Variants in DRC11 observed in about 807,000 individuals in gnomAD.
DRC11 encodes dynein regulatory complex subunit 11.
the DRC11 span, among the ~76,000 whole-genome samples, chr2:236,394,076 GCCATCC>G: frequency 6.6e-6 from 1 of 152,070 alleles, no homozygotes; most frequent in Non-Finnish European, 1.5e-5. This position sits in a 1 kb window ranked among gnomAD's most constrained non-coding sequence, Gnocchi z 7.0. Context: ...AATAGTTGCT[GCCATCC>G]CCCAGGAAGC....
chr2:236,402,671 C>A, the DRC11 span, among the ~76,000 whole-genome samples: 1 of 152,180 alleles, frequency 6.6e-6, no homozygotes, highest in African/African-American at 2.4e-5. The surrounding 1 kb of genome is among the most constrained non-coding windows in gnomAD (Gnocchi z 6.0). Context: ...GCCTATGACA[C>A]AGCTCACCCA....
the DRC11 span, among the ~76,000 whole-genome samples, chr2:236,450,326 T>C: frequency 5.0e-5 from 7 of 139,530 alleles, no homozygotes; most frequent in Non-Finnish European, 9.4e-5. Flanking sequence ...TTTTTTTTTT[T>C]TTTTTTTTTT....
the DRC11 span, among the ~76,000 whole-genome samples, chr2:236,490,676 G>A: frequency 6.6e-6 from 1 of 152,016 alleles, no homozygotes; most frequent in African/African-American, 2.4e-5. This position sits in a 1 kb window ranked among gnomAD's most constrained non-coding sequence, Gnocchi z 5.5. Context: ...TTTGAGTAGG[G>A]AACTCAACAT....
At chr2:236,483,676 C>T in the DRC11 span, among the ~76,000 whole-genome samples, 6 of 152,226 alleles carry the variant, frequency 3.9e-5, no homozygotes, top group Middle Eastern at 3.4e-3. This position sits in a 1 kb window ranked among gnomAD's most constrained non-coding sequence, Gnocchi z 4.8. Flanking sequence ...GCCATGACTG[C>T]AGATGAAGCA....
the DRC11 span, among the ~76,000 whole-genome samples, chr2:236,479,013 C>T: frequency 1.3e-5 from 2 of 151,910 alleles, no homozygotes; most frequent in African/African-American, 4.8e-5. The surrounding 1 kb of genome is among the most constrained non-coding windows in gnomAD (Gnocchi z 4.1). Flanking sequence ...TTAGTAGAGG[C>T]GGGGTTTCAA....
At chr2:236,315,881 AG>A in the DRC11 span, among the ~76,000 whole-genome samples, 1 of 152,284 alleles carries the variant, frequency 6.6e-6, no homozygotes, top group East Asian at 1.9e-4. This position sits in a 1 kb window ranked among gnomAD's most constrained non-coding sequence, Gnocchi z 5.1. Context: ...TAGGGAAAAG[AG>A]GGAATGCATG....
chr2:236,307,362 G>C, the DRC11 span, among the ~76,000 whole-genome samples: 6 of 152,186 alleles, frequency 3.9e-5, no homozygotes, highest in Non-Finnish European at 2.9e-5. The surrounding 1 kb of genome is among the most constrained non-coding windows in gnomAD (Gnocchi z 7.0). Context: ...CCATTCAAAG[G>C]AGAGGGGAGG....
chr2:236,336,894 G>A, the DRC11 span, among the ~76,000 whole-genome samples: 9 of 152,188 alleles, frequency 5.9e-5, no homozygotes, highest in African/African-American at 1.9e-4. This position sits in a 1 kb window ranked among gnomAD's most constrained non-coding sequence, Gnocchi z 7.3. Flanking sequence ...GACCACAGAG[G>A]GTGGTGATGG....
chr2:236,439,016 C>T, the DRC11 span, among the ~76,000 whole-genome samples: 2 of 149,564 alleles, frequency 1.3e-5, no homozygotes, highest in Non-Finnish European at 3.0e-5. Context: ...TTCTTTGAAA[C>T]CAACGAGAAC....
the DRC11 span, among the ~76,000 whole-genome samples, chr2:236,342,431 G>A: frequency 6.6e-6 from 1 of 152,188 alleles, no homozygotes; most frequent in Non-Finnish European, 1.5e-5. The surrounding 1 kb of genome is among the most constrained non-coding windows in gnomAD (Gnocchi z 5.8). Flanking sequence ...GAATGTGGAC[G>A]TCCAATGCTC....
At chr2:236,307,977 A>G in the DRC11 span, among the ~76,000 whole-genome samples, 2,074 of 128,492 alleles carry the variant, frequency 0.016, 93 homozygotes, top group African/African-American at 0.072. The surrounding 1 kb of genome is among the most constrained non-coding windows in gnomAD (Gnocchi z 7.0). Flanking sequence ...TTGCAGTGAC[A>G]CAAGCGTCCT....
the DRC11 span, among the ~76,000 whole-genome samples, chr2:236,493,368 C>T: frequency 1.3e-5 from 2 of 152,150 alleles, no homozygotes; most frequent in African/African-American, 4.8e-5. Context: ...TTATAAAAGG[C>T]CAATCAGCAT....
the DRC11 span, among the ~76,000 whole-genome samples, chr2:236,346,443 G>C: frequency 1.4e-3 from 211 of 152,352 alleles, 1 homozygote; most frequent in African/African-American, 4.9e-3. Context: ...GATGGCCCTG[G>C]TCATACAGGT....
the DRC11 span, among the ~76,000 whole-genome samples, chr2:236,463,135 A>G: frequency 6.6e-6 from 1 of 152,290 alleles, no homozygotes; most frequent in South Asian, 2.1e-4. This position sits in a 1 kb window ranked among gnomAD's most constrained non-coding sequence, Gnocchi z 5.0. Context: ...ATATACTAAC[A>G]TTACTATGAT....
At chr2:236,386,283 A>T in the DRC11 span, among the ~76,000 whole-genome samples, 1 of 151,370 alleles carries the variant, frequency 6.6e-6, no homozygotes, top group Non-Finnish European at 1.5e-5. Flanking sequence ...CTGTGAATCC[A>T]TCTGGTCCTG....
At chr2:236,452,805 AG>A in the DRC11 span, among the ~76,000 whole-genome samples, 1 of 152,190 alleles carries the variant, frequency 6.6e-6, no homozygotes, top group African/African-American at 2.4e-5. The surrounding 1 kb of genome is among the most constrained non-coding windows in gnomAD (Gnocchi z 4.7). Flanking sequence ...AATTCTCCTC[AG>A]GCTTGAATCC....
chr2:236,477,068 C>G, the DRC11 span, among the ~76,000 whole-genome samples: 2 of 152,014 alleles, frequency 1.3e-5, no homozygotes, highest in African/African-American at 2.4e-5. Flanking sequence ...CGGTAGTTTT[C>G]TTTTTTTGTT....
the DRC11 span, among the ~76,000 whole-genome samples, chr2:236,357,357 ATATAT>A: frequency 1.7e-5 from 2 of 119,754 alleles, no homozygotes; most frequent in Admixed American, 1.9e-4. Flanking sequence ...TTATATGTAT[ATATAT>A]TATAAATATA....
chr2:236,392,307 G>A, the DRC11 span: 5 of 1,599,690 alleles, frequency 3.1e-6, no homozygotes, highest in Non-Finnish European at 4.3e-6. This position sits in a 1 kb window ranked among gnomAD's most constrained non-coding sequence, Gnocchi z 5.1. Context: ...CTGGATCATA[G>A]TCCTGAGAGA....
Sources: gnomAD v4.1 joint callset for allele counts (sites outside exome capture counted in the v4.1 genomes callset) on GRCh38, gnomAD v4.1.1 for gene constraint, Gnocchi (gnomAD v3.1) non-coding constraint, MANE v1.5 for transcripts, NCBI Gene and HGNC (gene_info 2026-07-23, HGNC 2026-07-21) for gene names.